Variants in MKRN2 observed in about 807,000 individuals in gnomAD.
MKRN2 encodes makorin ring finger protein 2, also known as E3 ubiquitin-protein ligase makorin-2.
Under a neutral mutation model 45.4 loss-of-function variants are expected in MKRN2, and 32 were observed. The observed-to-expected ratio is 0.70, with a 90% confidence interval of 0.53 to 0.95. The LOEUF (loss-of-function observed/expected upper bound fraction) is 0.95. Ranked by LOEUF, MKRN2 falls within the 40% of genes least tolerant of loss-of-function variation. The pLI, the probability that MKRN2 is intolerant of heterozygous loss-of-function variation, is 0.00. For missense variants in MKRN2, 526 were observed against 536.7 expected (o/e 0.98, Z 0.20); for synonymous variants, 206 against 192.4 (o/e 1.07, Z -0.59).
intron 1 of MKRN2, among the ~76,000 whole-genome samples, chr3:12,559,432 G>T (rs2058017358): frequency 1.3e-5 from 2 of 151,888 alleles, no homozygotes; most frequent in Admixed American, 6.5e-5. Flanking sequence ...TGTGGGTTTT[G>T]TTTGTTTTTT....
chr3:12,572,124 C>A lies in MKRN2; in HGVS notation c.393C>A (p.Gly131=). 1 of 1,613,884 alleles carries A rather than the reference C, an allele frequency of 6.2e-7. No homozygotes were observed. The highest frequency in any genetic ancestry group is 8.5e-7 in the Non-Finnish European group (1 of 1,179,914). Residue 131 remains glycine (G), a synonymous_variant, in exon 4 of 8, where the codon GGC becomes GGA. Coordinates refer to ENST00000170447, the MANE Select transcript of MKRN2 (RefSeq NM_014160.5). ...KTQPSMVSNP[G]SCSDPQPSPE... ...AGCCGAGCATGGTGAGTAATCCAGG[C>A]AGCTGCAGCGACCCCCAGCCCAGCC...
chr3:12,581,004 CT>C (rs376776267), intron 6 of MKRN2, among the ~76,000 whole-genome samples: 4,981 of 147,186 alleles, frequency 0.034, 258 homozygotes, highest in African/African-American at 0.11. Context: ...TCTTGGGTAT[CT>C]TTTTTTTTTT....
chr3:12,580,041 G>A (rs2058167123), intron 6 of MKRN2, among the ~76,000 whole-genome samples: 1 of 152,254 alleles, frequency 6.6e-6, no homozygotes, highest in Admixed American at 6.5e-5. Flanking sequence ...GCTTCCACAA[G>A]TGTGGGAACC....
At chr3:12,580,271 C>G (rs995872540) in intron 6 of MKRN2, among the ~76,000 whole-genome samples, 3 of 152,220 alleles carry the variant, frequency 2.0e-5, no homozygotes, top group Non-Finnish European at 4.4e-5. Flanking sequence ...CTAGGATGCT[C>G]TGGAGTTGTC....
At position 12,576,705 on chromosome 3, in the gene MKRN2, A is replaced by T; in HGVS notation, c.932A>T (p.Lys311Met). The T allele has an allele frequency of 2.5e-6, 4 of 1,609,868 alleles. No individual in the cohort carries two copies. The highest frequency in any genetic ancestry group is 3.4e-6 in the Non-Finnish European group (4 of 1,176,384). Residue 311 changes from lysine to methionine, a missense_variant, in exon 6 of 8, where the codon AAG becomes ATG. Physicochemically the swap from Lys to Met is moderately conservative, Grantham distance 95. Coordinates refer to ENST00000170447, the MANE Select transcript of MKRN2 (RefSeq NM_014160.5). Reference sequence around the variant, plus strand: ...TATTGGGTGGAAGATCAGAATAAAAAGAACGAGTTGATTGAAGCTTTCAAA... The same window carrying T: ...TATTGGGTGGAAGATCAGAATAAAATGAACGAGTTGATTGAAGCTTTCAAA... The part of the protein sequence containing the change: ...SVYWVEDQNK[K>M]NELIEAFKQG...
intron 1 of MKRN2, among the ~76,000 whole-genome samples, chr3:12,558,437 GCCT>G (rs1460463291): frequency 3.3e-5 from 5 of 152,138 alleles, no homozygotes; most frequent in African/African-American, 1.2e-4. Flanking sequence ...GCAGCTTGTA[GCCT>G]CCTAGAAAAA....
Position 12,582,495 on chromosome 3 carries a change from A to G in MKRN2, c.*242A>G. The stretch of plus-strand genomic sequence containing the variant: ...TTATAGCTGATATAGTTACACCTCA[A>G]GCCCCTCAGGGGTAACAACTAACAA... On this transcript the variant is annotated 3_prime_UTR_variant, in exon 8 of 8. Coordinates refer to ENST00000170447, the MANE Select transcript of MKRN2 (RefSeq NM_014160.5). 2 of 471,018 alleles carry G rather than the reference A, an allele frequency of 4.2e-6. No homozygotes were observed. Among genetic ancestry groups the G allele is most frequent in the South Asian group, 3.6e-5 (1 of 27,674 alleles). The allele number at this position is 471,018 out of a possible 1,614,324, so 29.2% of individuals were successfully genotyped here. A position where few individuals can be genotyped will look rare whatever the true frequency, so the allele number is the denominator to read the frequency against.
intron 1 of MKRN2, among the ~76,000 whole-genome samples, chr3:12,557,992 G>T (rs561728685): frequency 2.6e-5 from 4 of 152,330 alleles, no homozygotes; most frequent in Admixed American, 2.6e-4. Context: ...GTGGCTTACT[G>T]GTAATGGAGT....
At chr3:12,578,085 G>A (rs933662360) in intron 6 of MKRN2, among the ~76,000 whole-genome samples, 1 of 152,174 alleles carries the variant, frequency 6.6e-6, no homozygotes. Context: ...TCGCATTCCT[G>A]TGTGGTTTGG....
In MKRN2 at chr3:12,583,006, T is replaced by TA. The variant is rs1356762481; in HGVS notation, c.*754dup. 2 of 152,256 alleles carry TA rather than the reference T, an allele frequency of 1.3e-5. No homozygotes were observed. Among genetic ancestry groups the TA allele is most frequent in the African/African-American group, 4.8e-5 (2 of 41,448 alleles). 9.4% of individuals were successfully genotyped at this position (152,256 alleles called of 1,614,324 possible). ...GTTGGGGCCTCCAGCCAGGGCCCTC[T>TA]AGGGGAACCAAGCCTCTGCTCTCAC... On this transcript the variant is annotated 3_prime_UTR_variant, in exon 8 of 8. Transcript: ENST00000170447.
intron 5 of MKRN2, among the ~76,000 whole-genome samples, chr3:12,576,421 G>A (rs930793968): frequency 6.6e-6 from 1 of 152,018 alleles, no homozygotes; most frequent in African/African-American, 2.4e-5. Context: ...GGTGTGTGAT[G>A]TTCCCCCACA....
chr3:12,575,082 A>G, intron 5 of MKRN2, 76 bp downstream of exon 5: 1 of 1,384,654 alleles, frequency 7.2e-7, no homozygotes, highest in East Asian at 2.3e-5. Flanking sequence ...TCCACTTTTA[A>G]GCCCTCCGTT....
intron 1 of MKRN2, among the ~76,000 whole-genome samples, chr3:12,565,553 G>GTTTT (rs796564027): frequency 9.1e-6 from 1 of 110,072 alleles, no homozygotes; most frequent in Non-Finnish European, 1.8e-5. Flanking sequence ...TTTTTTTTTG[G>GTTTT]GAGACAGGGT....
At chr3:12,569,031 G>C (rs184292461) in intron 2 of MKRN2, 28 bp downstream of exon 2, 2 of 1,595,520 alleles carry the variant, frequency 1.3e-6, no homozygotes, top group African/African-American at 2.7e-5. Flanking sequence ...GATTCCAGCT[G>C]TGACACTGAT....
chr3:12,565,418 T>C (rs1272425079), intron 1 of MKRN2, among the ~76,000 whole-genome samples: 2 of 152,164 alleles, frequency 1.3e-5, no homozygotes, highest in African/African-American at 4.8e-5. Context: ...TCATAGGTTG[T>C]TTTATACTTC....
chr3:12,570,612 C>T (rs1359235574), intron 3 of MKRN2, among the ~76,000 whole-genome samples: 1 of 152,092 alleles, frequency 6.6e-6, no homozygotes, highest in Non-Finnish European at 1.5e-5. Context: ...TAAAGTGGCT[C>T]ACACCTATAA....
At chr3:12,557,232 G>T in intron 1 of MKRN2, 56 bp downstream of exon 1, 4 of 1,516,842 alleles carry the variant, frequency 2.6e-6, no homozygotes, top group Non-Finnish European at 2.6e-6. Context: ...CAGGGGGGCC[G>T]GTGCGCGCCA....
chr3:12,578,743 C>G (rs2058159063), intron 6 of MKRN2, among the ~76,000 whole-genome samples: 1 of 151,928 alleles, frequency 6.6e-6, no homozygotes, highest in South Asian at 2.1e-4. Flanking sequence ...TGTGTTAAGA[C>G]TTATCTGCAG....
At chr3:12,577,091 A>G (rs536141838) in intron 6 of MKRN2, 7 of 156,338 alleles carry the variant, frequency 4.5e-5, no homozygotes, top group African/African-American at 1.7e-4. Context: ...GTGCGCCACC[A>G]TGCCCAGCTA....
Sources: allele counts gnomAD v4.1 joint callset (sites outside exome capture counted in the v4.1 genomes callset), GRCh38; gene constraint gnomAD v4.1.1; transcripts MANE v1.5; gene names NCBI Gene and HGNC (gene_info 2026-07-23, HGNC 2026-07-21).